TRIO: variants seen among roughly 807,000 people sequenced by gnomAD.
TRIO encodes the protein triple functional domain protein.
A neutral mutation model predicts 351.9 loss-of-function variants in TRIO; 58 were observed. The ratio of observed to expected loss-of-function variants is 0.16; its 90% CI spans 0.13 to 0.21. TRIO has a LOEUF of 0.21. Ranked by LOEUF, TRIO falls within the 10% of genes least tolerant of loss-of-function variation. The pLI, the probability that TRIO is intolerant of heterozygous loss-of-function variation, is 1.00. For missense variants in TRIO, 3,201 were observed against 4,027.8 expected, an observed-to-expected ratio of 0.79 and a Z score of 5.56; for synonymous variants, 1,758 against 1,595.7, an observed-to-expected ratio of 1.10 and a Z score of -2.42.
intron 19 of TRIO, 100 bp from the exon 20 acceptor site, chr5:14,377,912 A>G (rs551069465): frequency 3.8e-5 from 33 of 862,476 alleles, no homozygotes; most frequent in South Asian, 3.7e-4. Context: ...CTGTCTTGCA[A>G]TGGCATTTGC....
chr5:14,325,125 A>G (rs1210824205), intron 9 of TRIO, among the ~76,000 whole-genome samples: 1 of 152,238 alleles, frequency 6.6e-6, no homozygotes, highest in African/African-American at 2.4e-5. Flanking sequence ...AGTATTTGCA[A>G]TCAACACCTC....
At chr5:14,488,353 G>GCCCAGCGCTCT (rs1756195305) in intron 48 of TRIO, 93 bp downstream of exon 48, 1 of 1,468,918 alleles carries the variant, frequency 6.8e-7, no homozygotes, top group Non-Finnish European at 9.0e-7. Context: ...TAACTCGGCT[G>GCCCAGCGCTCT]CCCAGCGCTC....
At chr5:14,255,467 A>C (rs1794974854) in intron 1 of TRIO, among the ~76,000 whole-genome samples, 1 of 152,240 alleles carries the variant, frequency 6.6e-6, no homozygotes, top group Admixed American at 6.5e-5. Context: ...ATTGTATTAA[A>C]TAAAACTCAG....
rs115254271 is a variant in TRIO at position 14,296,065 on chromosome 5, G to A, written c.1177-1007G>A. Reference sequence around the variant, plus strand: ...TGCAGGCAGCAAGAGACAGGAAGGAGGCTGTTGTGGGGTCCTTGTTCGAGG... The same window carrying A: ...TGCAGGCAGCAAGAGACAGGAAGGAAGCTGTTGTGGGGTCCTTGTTCGAGG... On this transcript the variant is annotated intron_variant, in intron 6 of 56. Coordinates refer to ENST00000344204, the MANE Select transcript of TRIO (RefSeq NM_007118.4). Among the ~76,000 whole-genome samples, 952 of 152,266 alleles carry A rather than the reference G, an allele frequency of 6.3e-3. 12 individuals are homozygous for A. The highest frequency in any genetic ancestry group is 0.022 in the African/African-American group (922 of 41,538).
At chr5:14,287,544 G>GT (rs1443080023) in intron 4 of TRIO, among the ~76,000 whole-genome samples, 1 of 152,210 alleles carries the variant, frequency 6.6e-6, no homozygotes, top group Non-Finnish European at 1.5e-5. Flanking sequence ...AATGGAGATA[G>GT]TGTGTTAAAA....
At chr5:14,329,952 C>A (rs527656552) in intron 9 of TRIO, among the ~76,000 whole-genome samples, 1 of 152,298 alleles carries the variant, frequency 6.6e-6, no homozygotes, top group Non-Finnish European at 1.5e-5. Flanking sequence ...GTTGTGGATG[C>A]GGAACCCTTC....
At position 14,364,758 on chromosome 5, in the gene TRIO, A is replaced by G; in HGVS notation, c.2696A>G (p.His899Arg). The change falls in exon 15 of 57, where the codon CAT becomes CGT. Residue 899 changes from histidine (H) to arginine (R), a missense_variant. This residue lies in a region of TRIO where 363 missense variants were observed against 553.5 expected (regional missense o/e 0.66). Transcript: ENST00000344204. ...QQELDLAAEQ[H>R]RKHLEQCVQL... Reference sequence around the variant, plus strand: ...GAATTGGATTTAGCCGCAGAGCAGCATCGGAAACACCTGGAGCAGTGCGTG... The same window carrying G: ...GAATTGGATTTAGCCGCAGAGCAGCGTCGGAAACACCTGGAGCAGTGCGTG... The G allele has an allele frequency of 6.2e-7, 1 of 1,612,576 alleles. No homozygotes were observed. The highest frequency in any genetic ancestry group is 8.5e-7 in the Non-Finnish European group (1 of 1,180,026).
chr5:14,262,417 A>T (rs771066631), intron 1 of TRIO, among the ~76,000 whole-genome samples: 4 of 151,888 alleles, frequency 2.6e-5, no homozygotes, highest in Non-Finnish European at 5.9e-5. Context: ...GCCTGGGGAG[A>T]TGGTAATGAT....
intron 1 of TRIO, among the ~76,000 whole-genome samples, chr5:14,155,309 A>C (rs1788042012): frequency 6.6e-6 from 1 of 152,226 alleles, no homozygotes; most frequent in Admixed American, 6.5e-5. Flanking sequence ...AAATATGATG[A>C]TGTCCCTTAC....
chr5:14,340,082 A>G (rs924702780), intron 11 of TRIO, among the ~76,000 whole-genome samples: 15 of 152,184 alleles, frequency 9.9e-5, no homozygotes, highest in African/African-American at 3.6e-4. Context: ...TAAAAATTAC[A>G]TAGAAGAAGA....
At chr5:14,469,932 A>G (rs1213525771) in intron 37 of TRIO, among the ~76,000 whole-genome samples, 2 of 152,172 alleles carry the variant, frequency 1.3e-5, no homozygotes, top group African/African-American at 2.4e-5. Flanking sequence ...ACAGAATTCA[A>G]TCTAACAGGC....
At chr5:14,348,808 A>ATG (rs150291608) in intron 11 of TRIO, among the ~76,000 whole-genome samples, 1 of 89,200 alleles carries the variant, frequency 1.1e-5, no homozygotes, top group South Asian at 4.1e-4. Context: ...GCACGTGAGC[A>ATG]TGTGTTTTTC....
chr5:14,267,602 ACT>A (rs1433036774), intron 1 of TRIO, among the ~76,000 whole-genome samples: 1 of 152,160 alleles, frequency 6.6e-6, no homozygotes, highest in Non-Finnish European at 1.5e-5. Context: ...ATAGTTCCAC[ACT>A]GTTTTCCTAA....
At chr5:14,144,656 G>A (rs1331527677) in intron 1 of TRIO, among the ~76,000 whole-genome samples, 8 of 151,962 alleles carry the variant, frequency 5.3e-5, no homozygotes, top group Non-Finnish European at 1.0e-4. Context: ...GTGCCAGGTG[G>A]CCCCGAGTCC....
chr5:14,488,007 C>G lies in TRIO; in HGVS notation c.7379C>G (p.Pro2460Arg). The change falls in exon 48 of 57, where the codon CCG becomes CGG. Residue 2460 changes from proline to arginine, a missense_variant. Transcript: ENST00000344204. ...GGGGCCGCTTCGCCGCTGAACTCGC[C>G]GCTCTCCAGCGCGGTCCCTTCTCTC... is the stretch of plus-strand genomic sequence containing the variant. The part of the protein sequence containing the change: ...RAGAASPLNS[P>R]LSSAVPSLGK... The G allele has an allele frequency of 1.9e-6, 3 of 1,580,158 alleles. No homozygotes were observed. Among genetic ancestry groups the G allele is most frequent in the Non-Finnish European group, 8.6e-7 (1 of 1,164,336 alleles).
Position 14,509,508 on chromosome 5 carries a change from C to T in TRIO, c.*1086C>T, listed in dbSNP as rs1757951827. ...GTGATTTCATACTCTGAATATAAAACTGGATAATAGGGTAATGTTTTAAAA... is the reference window on the plus strand; with the variant it reads ...GTGATTTCATACTCTGAATATAAAATTGGATAATAGGGTAATGTTTTAAAA... On this transcript the variant is annotated 3_prime_UTR_variant, in exon 57 of 57. Transcript: ENST00000344204. 2 of 432,344 alleles carry T rather than the reference C, an allele frequency of 4.6e-6. No homozygotes were observed. The allele number at this position is 432,344 out of a possible 1,614,324, so 26.8% of individuals were successfully genotyped here.
chr5:14,455,997 C>G (rs1467557383), intron 34 of TRIO, among the ~76,000 whole-genome samples: 2 of 152,248 alleles, frequency 1.3e-5, no homozygotes, highest in Non-Finnish European at 2.9e-5. Context: ...CTGCAGGTCC[C>G]AAGCCCTGCC....
chr5:14,225,814 C>T (rs952785020), intron 1 of TRIO, among the ~76,000 whole-genome samples: 2 of 133,102 alleles, frequency 1.5e-5, no homozygotes, highest in African/African-American at 5.6e-5. Flanking sequence ...ACCTCCAAGC[C>T]CAAAAGGATG....
chr5:14,349,338 C>T (rs988104557), intron 11 of TRIO, among the ~76,000 whole-genome samples: 2 of 151,414 alleles, frequency 1.3e-5, no homozygotes, highest in African/African-American at 4.9e-5. Flanking sequence ...CGCACATGAG[C>T]ATGTGTTTTT....
Sources: allele counts gnomAD v4.1 joint callset (sites outside exome capture counted in the v4.1 genomes callset), GRCh38; gene constraint gnomAD v4.1.1; regional missense constraint gnomAD v4.1.1; transcripts MANE v1.5; gene names NCBI Gene and HGNC (gene_info 2026-07-23, HGNC 2026-07-21).